Variants in ARHGAP15 observed in about 807,000 individuals in gnomAD.
ARHGAP15 encodes the protein rho GTPase-activating protein 15.
In ARHGAP15, 51 loss-of-function variants were observed where a neutral mutation model predicts 63.7. That is an observed-to-expected ratio of 0.80 (90% confidence interval 0.64 to 1.01). ARHGAP15 has a LOEUF of 1.01. ARHGAP15 is among the 50% of genes least tolerant of loss of function. The probability of loss-of-function intolerance (pLI) is 0.00; values close to 1 mark genes in which losing one functional copy is unlikely to be tolerated. For synonymous variants in ARHGAP15, 191 were observed against 193.8 expected, an observed-to-expected ratio of 0.99 and a Z score of 0.12; for missense variants, 560 against 564.6, an observed-to-expected ratio of 0.99 and a Z score of 0.08.
chr2:143,259,843 A>G lies in ARHGAP15; in HGVS notation c.474+9243A>G, dbSNP rs987355785. Among the ~76,000 whole-genome samples, 6 of 152,126 alleles carry G rather than the reference A, an allele frequency of 3.9e-5. No homozygotes were observed. In the East Asian group the frequency reaches 1.2e-3, roughly 29 times the overall value. On this transcript the variant is annotated intron_variant, in intron 6 of 13. Coordinates refer to ENST00000295095, the MANE Select transcript of ARHGAP15 (RefSeq NM_018460.4). ...AAGAAGTTACTCTTGGCTGTTGTTG[A>G]CTGATGAATTTTATCGACATTCATT... is the stretch of plus-strand genomic sequence containing the variant.
intron 11 of ARHGAP15, among the ~76,000 whole-genome samples, chr2:143,575,754 C>T (rs1200542479): frequency 6.6e-6 from 1 of 152,046 alleles, no homozygotes; most frequent in African/African-American, 2.4e-5. Flanking sequence ...GAAATGTTAG[C>T]CTGAATCCAT....
At chr2:143,761,708 A>G (rs1158157448) in intron 13 of ARHGAP15, among the ~76,000 whole-genome samples, 6 of 152,196 alleles carry the variant, frequency 3.9e-5, no homozygotes, top group African/African-American at 1.4e-4. Context: ...CTTACCCAGC[A>G]TAAGGCTTTT....
chr2:143,609,074 G>C (rs920167984), intron 11 of ARHGAP15, among the ~76,000 whole-genome samples: 3 of 152,170 alleles, frequency 2.0e-5, no homozygotes, highest in African/African-American at 7.2e-5. Context: ...CACAATTTCA[G>C]TATTCTTCTG....
chr2:143,509,090 C>G (rs1416685220), intron 9 of ARHGAP15, among the ~76,000 whole-genome samples: 1 of 152,216 alleles, frequency 6.6e-6, no homozygotes, highest in East Asian at 1.9e-4. Context: ...AAAGCTGCAG[C>G]AACTCCGCTA....
chr2:143,539,440 C>T (rs1694940872), intron 10 of ARHGAP15, among the ~76,000 whole-genome samples: 2 of 152,024 alleles, frequency 1.3e-5, no homozygotes, highest in South Asian at 4.1e-4. Flanking sequence ...TGTGTTTGCT[C>T]TTGCTTCTCT....
At chr2:143,563,496 G>T (rs1696106842) in intron 11 of ARHGAP15, among the ~76,000 whole-genome samples, 1 of 152,302 alleles carries the variant, frequency 6.6e-6, no homozygotes, top group Non-Finnish European at 1.5e-5. Context: ...CATGTTGTCA[G>T]TATGGTTTGG....
intron 6 of ARHGAP15, chr2:143,305,501 C>T (rs1574244393): frequency 6.6e-6 from 1 of 151,958 alleles, no homozygotes; most frequent in South Asian, 2.1e-4. Flanking sequence ...TAAAGCAATA[C>T]TCATCTAGTT....
At position 143,580,767 on chromosome 2, in the gene ARHGAP15, C is replaced by T. The variant is rs192595986; in HGVS notation, c.1003+24282C>T. 1.7e-4 allele frequency among the ~76,000 whole-genome samples: 26 copies of T among 151,994 alleles called. No individual in the cohort carries two copies. The East Asian group carries it at 4.8e-3, about 28-fold the overall frequency. ...AATTCTAATTAATATATGTAATTTTCCCTTTATACTAATTCATGCACTTGT... is the reference window on the plus strand; with the variant it reads ...AATTCTAATTAATATATGTAATTTTTCCTTTATACTAATTCATGCACTTGT... On this transcript the variant is annotated intron_variant, in intron 11 of 13. Coordinates refer to ENST00000295095, the MANE Select transcript of ARHGAP15 (RefSeq NM_018460.4).
chr2:143,334,998 T>A (rs1684708687), intron 6 of ARHGAP15, among the ~76,000 whole-genome samples: 1 of 152,228 alleles, frequency 6.6e-6, no homozygotes, highest in Non-Finnish European at 1.5e-5. Flanking sequence ...TTTTCCATAG[T>A]GAGTTTTTAT....
At chr2:143,236,965 A>G (rs983339731) in intron 5 of ARHGAP15, 2 of 152,194 alleles carry the variant, frequency 1.3e-5, no homozygotes, top group African/African-American at 2.4e-5. Context: ...TAAGTTGCGG[A>G]ACAGCATTGT....
intron 11 of ARHGAP15, among the ~76,000 whole-genome samples, chr2:143,581,625 G>A (rs1696911823): frequency 6.6e-6 from 1 of 152,092 alleles, no homozygotes; most frequent in Non-Finnish European, 1.5e-5. Flanking sequence ...GGGAGGGCTT[G>A]TTACCTTTAC....
intron 12 of ARHGAP15, among the ~76,000 whole-genome samples, chr2:143,686,312 A>G (rs10181521): frequency 0.37 from 47,739 of 128,244 alleles, 7,991 homozygotes; most frequent in Middle Eastern, 0.44. Flanking sequence ...TGAACCCTGG[A>G]GGTGGAGGTT....
chr2:143,429,774 A>G (rs1336518915), intron 6 of ARHGAP15, among the ~76,000 whole-genome samples: 1 of 152,176 alleles, frequency 6.6e-6, no homozygotes, highest in Admixed American at 6.6e-5. Flanking sequence ...TAATTATAAC[A>G]TAAGGTTCAA....
chr2:143,385,179 AAAG>A (rs1246452923), intron 6 of ARHGAP15, among the ~76,000 whole-genome samples: 1 of 152,182 alleles, frequency 6.6e-6, no homozygotes, highest in African/African-American at 2.4e-5. Context: ...CGCAAAGAGT[AAAG>A]GAGTGTCTGC....
chr2:143,412,338 A>G (rs911619477), intron 6 of ARHGAP15, among the ~76,000 whole-genome samples: 2 of 146,816 alleles, frequency 1.4e-5, no homozygotes, highest in African/African-American at 2.5e-5. Flanking sequence ...ATCTGGTTGG[A>G]CTTTTCAAAT....
chr2:143,362,774 A>C (rs1209204735), intron 6 of ARHGAP15, among the ~76,000 whole-genome samples: 1 of 152,206 alleles, frequency 6.6e-6, no homozygotes, highest in African/African-American at 2.4e-5. Context: ...CGTGACTCCT[A>C]TCTGAACACA....
chr2:143,623,134 A>G lies in ARHGAP15; in HGVS notation c.1004-999A>G, dbSNP rs563367849. 6.6e-5 allele frequency among the ~76,000 whole-genome samples: 10 copies of G among 152,354 alleles called. No homozygotes were observed. The South Asian group carries it at 1.0e-3, about 16-fold the overall frequency. ...AAAACCTTTTCCATGTTGCACGTTT[A>G]GAAAGACAAATCGTCTGGCTCGACA... On this transcript the variant is annotated intron_variant, in intron 11 of 13. Coordinates refer to ENST00000295095, the MANE Select transcript of ARHGAP15 (RefSeq NM_018460.4).
At chr2:143,352,139 C>T (rs1407601737) in intron 6 of ARHGAP15, among the ~76,000 whole-genome samples, 2 of 152,062 alleles carry the variant, frequency 1.3e-5, no homozygotes, top group African/African-American at 4.8e-5. Context: ...TTAAATGTGC[C>T]CCTCTGCCCC....
intron 10 of ARHGAP15, among the ~76,000 whole-genome samples, chr2:143,546,059 A>G (rs545141895): frequency 1.3e-5 from 2 of 152,352 alleles, no homozygotes; most frequent in East Asian, 1.9e-4. Context: ...ATCACTTTAC[A>G]GAGAGATTCA....
Sources: gnomAD v4.1 joint callset for allele counts (sites outside exome capture counted in the v4.1 genomes callset) on GRCh38, gnomAD v4.1.1 for gene constraint, MANE v1.5 for transcripts, NCBI Gene and HGNC (gene_info 2026-07-23, HGNC 2026-07-21) for gene names.